The following KLHL1 variants were observed in gnomAD, a reference collection of about 807,000 sequenced individuals.
KLHL1 encodes the protein kelch-like protein 1.
KLHL1 carries 47 observed loss-of-function variants against 77.7 expected under a neutral mutation model. The observed-to-expected ratio is 0.60, with a 90% CI of 0.48 to 0.77. The LOEUF (loss-of-function observed/expected upper bound fraction) is 0.77, where lower values mean the gene tolerates loss of function less well. Among genes scored for constraint, KLHL1 ranks in the 30% least tolerant of loss-of-function variants. KLHL1 has a pLI of 0.00. For synonymous variants in KLHL1, 360 were observed against 325.2 expected (o/e 1.11, Z -1.15); for missense variants, 925 against 910.8 (o/e 1.02, Z -0.20).
At chr13:69,964,996 C>G (rs1449026223) in intron 2 of KLHL1, among the ~76,000 whole-genome samples, 3 of 152,020 alleles carry the variant, frequency 2.0e-5, no homozygotes, top group African/African-American at 7.2e-5. Context: ...GGGAGCTGGC[C>G]TTTAGTTCTT....
intron 7 of KLHL1, among the ~76,000 whole-genome samples, chr13:69,750,250 C>T (rs762748991): frequency 1.3e-5 from 2 of 151,666 alleles, no homozygotes; most frequent in East Asian, 1.9e-4. Flanking sequence ...AAATCGTCAT[C>T]GTGTATAAAG....
At chr13:70,043,431 G>A (rs1212327737) in intron 1 of KLHL1, among the ~76,000 whole-genome samples, 1 of 152,094 alleles carries the variant, frequency 6.6e-6, no homozygotes, top group East Asian at 1.9e-4. Context: ...AATAAATTTA[G>A]TGTAGCCAAA....
At chr13:69,815,614 T>C (rs1456815447) in intron 6 of KLHL1, among the ~76,000 whole-genome samples, 1 of 152,124 alleles carries the variant, frequency 6.6e-6, no homozygotes, top group East Asian at 1.9e-4. Context: ...GTACTATGTT[T>C]ACTCTTTGGG....
chr13:69,867,995 A>G (rs1880437731), intron 5 of KLHL1, among the ~76,000 whole-genome samples: 1 of 148,752 alleles, frequency 6.7e-6, no homozygotes, highest in Non-Finnish European at 1.5e-5. Flanking sequence ...TAAAACTTAA[A>G]GCATAATAAA....
chr13:70,084,231 A>G (rs1887464787), intron 1 of KLHL1, among the ~76,000 whole-genome samples: 1 of 152,128 alleles, frequency 6.6e-6, no homozygotes, highest in Non-Finnish European at 1.5e-5. Flanking sequence ...GAATTTAAGG[A>G]AAAATGTATC....
At chr13:69,880,530 T>G (rs1283845691) in intron 5 of KLHL1, among the ~76,000 whole-genome samples, 1 of 152,124 alleles carries the variant, frequency 6.6e-6, no homozygotes, top group Non-Finnish European at 1.5e-5. Context: ...TATCTTAATT[T>G]TAATAAATAT....
At position 69,988,292 on chromosome 13, in the gene KLHL1, C is replaced by T. The variant is rs547213498; in HGVS notation, c.498-12490G>A. On this transcript the variant is annotated intron_variant, in intron 1 of 10. Coordinates refer to ENST00000377844, the MANE Select transcript of KLHL1 (RefSeq NM_020866.3). ...CTTCCATGTTCCTGCAAGGACATGA[C>T]CTCATTCTTTTTCATGGTTGCATAC... Among the ~76,000 whole-genome samples the T allele has an allele frequency of 3.3e-5, 5 of 152,118 alleles. No homozygotes were observed. In the South Asian group the frequency reaches 8.3e-4, roughly 25 times the overall value.
At chr13:69,824,791 G>A (rs1172173806) in intron 6 of KLHL1, among the ~76,000 whole-genome samples, 2 of 152,040 alleles carry the variant, frequency 1.3e-5, no homozygotes, top group South Asian at 2.1e-4. Flanking sequence ...TGTGCTTTCT[G>A]GGGTAGTGGC....
At chr13:69,884,446 A>C (rs1001203982) in intron 4 of KLHL1, among the ~76,000 whole-genome samples, 6 of 150,906 alleles carry the variant, frequency 4.0e-5, no homozygotes, top group East Asian at 1.9e-4. Flanking sequence ...AAAAAAAAAA[A>C]CTACGTGAAG....
intron 3 of KLHL1, among the ~76,000 whole-genome samples, chr13:69,940,560 A>C (rs1883333282): frequency 6.6e-6 from 1 of 152,060 alleles, no homozygotes; most frequent in Non-Finnish European, 1.5e-5. Context: ...ATGCCTACAA[A>C]CTTAGGAGAG....
chr13:69,985,298 A>G (rs150131296), intron 1 of KLHL1, among the ~76,000 whole-genome samples: 1 of 152,268 alleles, frequency 6.6e-6, no homozygotes, highest in African/African-American at 2.4e-5. Context: ...GAAAAAACCA[A>G]TCTGAGTGTA....
At position 69,926,946 on chromosome 13, in the gene KLHL1, C is replaced by CAAAAAAAAAAAAAAA. The variant is rs71116960; in HGVS notation, c.1014+13079_1014+13093dup. Among the ~76,000 whole-genome samples, 6 of 36,038 alleles carry CAAAAAAAAAAAAAAA rather than the reference C, an allele frequency of 1.7e-4. 1 individual carries two copies. Among genetic ancestry groups the CAAAAAAAAAAAAAAA allele is most frequent in the Admixed American group, 5.9e-4 (1 of 1,694 alleles). The allele number at this position is 36,038 out of a possible 152,430, so 23.6% of individuals were successfully genotyped here. A position where few individuals can be genotyped will look rare whatever the true frequency, so the allele number is the denominator to read the frequency against. On this transcript the variant is annotated intron_variant, in intron 4 of 10. Coordinates refer to ENST00000377844, the MANE Select transcript of KLHL1 (RefSeq NM_020866.3). ...TGGGTGACAGAGTGAGACTCCATCT[C>CAAAAAAAAAAAAAAA]AAAAAAAAAAAAAAAAAAAAAAAAG...
At chr13:70,059,652 T>C (rs1415969745) in intron 1 of KLHL1, among the ~76,000 whole-genome samples, 1 of 152,206 alleles carries the variant, frequency 6.6e-6, no homozygotes. Flanking sequence ...ATTCTCTCAT[T>C]GCTATAAATA....
intron 4 of KLHL1, among the ~76,000 whole-genome samples, chr13:69,893,405 T>G (rs1372898298): frequency 1.3e-5 from 2 of 151,928 alleles, no homozygotes; most frequent in African/African-American, 4.8e-5. Flanking sequence ...TGGCTAATTT[T>G]TTGTATTTTT....
At chr13:69,889,705 A>T (rs905710318) in intron 4 of KLHL1, among the ~76,000 whole-genome samples, 1 of 152,048 alleles carries the variant, frequency 6.6e-6, no homozygotes, top group African/African-American at 2.4e-5. Flanking sequence ...CAACTCTGCT[A>T]CTTACTAGCT....
At chr13:69,901,788 TTTTTTTC>T (rs1286583539) in intron 4 of KLHL1, among the ~76,000 whole-genome samples, 54 of 26,896 alleles carry the variant, frequency 2.0e-3, no homozygotes, top group African/African-American at 2.7e-3. Context: ...TTTCTTTTTC[TTTTTTTC>T]TTTTTTTTTT....
chr13:70,104,344 G>A (rs1887995387), intron 1 of KLHL1, among the ~76,000 whole-genome samples: 1 of 152,034 alleles, frequency 6.6e-6, no homozygotes, highest in Non-Finnish European at 1.5e-5. Flanking sequence ...AAAAGGTTGG[G>A]TTTTGGCCCT....
intron 1 of KLHL1, among the ~76,000 whole-genome samples, chr13:70,073,609 C>G (rs1226271360): frequency 6.6e-6 from 1 of 151,556 alleles, no homozygotes; most frequent in African/African-American, 2.4e-5. Flanking sequence ...GACCTTGTCT[C>G]TACAAAAAAT....
chr13:70,049,763 C>A lies in KLHL1; in HGVS notation c.497+57440G>T, dbSNP rs116992818. Among the ~76,000 whole-genome samples, 991 of 152,068 alleles carry A rather than the reference C, an allele frequency of 6.5e-3. 9 individuals are homozygous for A. Among genetic ancestry groups the A allele is most frequent in the Middle Eastern group, 0.027 (8 of 292 alleles). ...GAAAATGAGGCCAAGATAAACAATG[C>A]GGTGTTTCGAGAACATCATGTTAGA... On this transcript the variant is annotated intron_variant, in intron 1 of 10. Coordinates refer to ENST00000377844, the MANE Select transcript of KLHL1 (RefSeq NM_020866.3).
Sources: allele counts gnomAD v4.1 joint callset (sites outside exome capture counted in the v4.1 genomes callset), GRCh38; gene constraint gnomAD v4.1.1; transcripts MANE v1.5; gene names NCBI Gene and HGNC (gene_info 2026-07-23, HGNC 2026-07-21).